The following SLC7A1 variants were observed in gnomAD, a reference collection of about 807,000 sequenced individuals.
The protein encoded by SLC7A1 is solute carrier family 7 member 1.
Under a neutral mutation model 53.9 loss-of-function variants are expected in SLC7A1, and 10 were observed. That is an observed-to-expected ratio of 0.19 (90% CI 0.11 to 0.31). SLC7A1 has a LOEUF of 0.31. SLC7A1 is among the 10% of genes least tolerant of loss of function. The pLI is 1.00. For missense variants in SLC7A1, 525 were observed against 827.2 expected, an observed-to-expected ratio of 0.63 and a Z score of 4.48; for synonymous variants, 342 against 338.7, an observed-to-expected ratio of 1.01 and a Z score of -0.11.
chr13:29,537,095 C>T (rs1371295586), intron 2 of SLC7A1, among the ~76,000 whole-genome samples: 1 of 152,172 alleles, frequency 6.6e-6, no homozygotes, highest in African/African-American at 2.4e-5. Flanking sequence ...GGCCAGCAGC[C>T]ACCCTCAAAA....
intron 1 of SLC7A1, among the ~76,000 whole-genome samples, chr13:29,556,198 T>C (rs769008604): frequency 2.0e-5 from 3 of 152,032 alleles, no homozygotes; most frequent in Non-Finnish European, 2.9e-5. Flanking sequence ...CCAGCTGCCA[T>C]AAGCTAAACA....
intron 2 of SLC7A1, among the ~76,000 whole-genome samples, chr13:29,540,753 C>T (rs1324116206): frequency 6.6e-6 from 1 of 152,218 alleles, no homozygotes; most frequent in Non-Finnish European, 1.5e-5. Context: ...CCCCAGTCGA[C>T]CCCTTTCTCC....
At chr13:29,571,654 C>T (rs1341526727) in intron 1 of SLC7A1, among the ~76,000 whole-genome samples, 1 of 152,206 alleles carries the variant, frequency 6.6e-6, no homozygotes, top group Non-Finnish European at 1.5e-5. Flanking sequence ...TTTGCTTTAC[C>T]TATTCCACCA....
chr13:29,567,825 C>T (rs1652781452), intron 1 of SLC7A1, among the ~76,000 whole-genome samples: 1 of 150,990 alleles, frequency 6.6e-6, no homozygotes, highest in South Asian at 2.1e-4. Flanking sequence ...CAAGCTCTTG[C>T]AAGTCTTGGC....
chr13:29,519,549 G>C lies in SLC7A1; in HGVS notation c.1190C>G (p.Ala397Gly). 6.3e-7 allele frequency: 1 copy of C among 1,595,792 alleles called. No individual in the cohort carries two copies. ...CAGGTCAAAGAGGAAGGCCATCACA[G>C]CTGGGAAGAGACAGACACCAGGATC... ...IATLASGAVA[A>G]VMAFLFDLKD... Residue 397 changes from alanine to glycine, a missense_variant and splice_region_variant, in exon 9 of 13, where the codon GCT becomes GGT. Physicochemically the swap from Ala to Gly is moderately conservative, Grantham distance 60. Coordinates refer to ENST00000380752, the MANE Select transcript of SLC7A1 (RefSeq NM_003045.5).
Position 29,514,414 on chromosome 13 carries a change from G to T in SLC7A1, c.*66C>A. Reference sequence around the variant, plus strand: ...CTGTTGCACTGGTGGGGAGGGTGGGGTGCCTCCCGGTCCTCTGGGGGCGTC... The same window carrying T: ...CTGTTGCACTGGTGGGGAGGGTGGGTTGCCTCCCGGTCCTCTGGGGGCGTC... On this transcript the variant is annotated 3_prime_UTR_variant, in exon 13 of 13. Transcript: ENST00000380752. 1 of 1,169,682 alleles carries T rather than the reference G, an allele frequency of 8.5e-7. No individual in the cohort carries two copies. The highest frequency in any genetic ancestry group is 1.3e-6 in the Non-Finnish European group (1 of 797,386). 72.5% of individuals were successfully genotyped at this position (1,169,682 alleles called of 1,614,324 possible).
intron 1 of SLC7A1, among the ~76,000 whole-genome samples, chr13:29,591,265 T>C (rs1170675272): frequency 6.6e-6 from 1 of 152,176 alleles, no homozygotes; most frequent in Non-Finnish European, 1.5e-5. Context: ...CTCAGTCCTA[T>C]AAAGTAGGCA....
At chr13:29,577,650 C>A (rs1871464251) in intron 1 of SLC7A1, among the ~76,000 whole-genome samples, 2 of 152,238 alleles carry the variant, frequency 1.3e-5, no homozygotes, top group Non-Finnish European at 2.9e-5. Context: ...TCTGACGGGC[C>A]TCTTGGCCAC....
chr13:29,592,500 C>A (rs1184872905), intron 1 of SLC7A1, among the ~76,000 whole-genome samples: 1 of 152,222 alleles, frequency 6.6e-6, no homozygotes, highest in Non-Finnish European at 1.5e-5. Flanking sequence ...AGCAAGCCAC[C>A]AAATCATTTT....
intron 1 of SLC7A1, among the ~76,000 whole-genome samples, chr13:29,578,968 C>T (rs973797883): frequency 9.9e-5 from 15 of 152,228 alleles, no homozygotes; most frequent in African/African-American, 3.4e-4. Context: ...GTATGTCCCT[C>T]AGGAGGGCAG....
intron 11 of SLC7A1, chr13:29,516,830 T>C (rs1023494336): frequency 1.5e-5 from 4 of 271,012 alleles, no homozygotes; most frequent in Non-Finnish European, 2.7e-5. Flanking sequence ...GGACATTTAT[T>C]TTCCAGAGAA....
At chr13:29,561,099 GAACT>G (rs1308468808) in intron 1 of SLC7A1, among the ~76,000 whole-genome samples, 2 of 152,094 alleles carry the variant, frequency 1.3e-5, no homozygotes, top group Non-Finnish European at 2.9e-5. Context: ...ATGCAGCAGT[GAACT>G]AACTAGACCA....
chr13:29,529,905 G>A (rs1045396714), intron 5 of SLC7A1, among the ~76,000 whole-genome samples: 15 of 152,158 alleles, frequency 9.9e-5, no homozygotes, highest in Admixed American at 6.5e-4. Context: ...AGGGCTGGGC[G>A]AGAGACCTGA....
intron 1 of SLC7A1, among the ~76,000 whole-genome samples, chr13:29,560,129 A>G (rs776922885): frequency 1.3e-5 from 2 of 151,264 alleles, no homozygotes. Context: ...TCTATTTTGA[A>G]TTTTTTTGTT....
intron 1 of SLC7A1, among the ~76,000 whole-genome samples, chr13:29,555,661 G>GAA (rs1197518722): frequency 6.8e-6 from 1 of 147,206 alleles, no homozygotes; most frequent in East Asian, 2.0e-4. Flanking sequence ...GTTAACTCTG[G>GAA]AAAAAAAAAG....
rs889706126 is a variant in SLC7A1 at position 29,525,341 on chromosome 13, G to A, written c.705-1088C>T. On this transcript the variant is annotated intron_variant, in intron 5 of 12. Coordinates refer to ENST00000380752, the MANE Select transcript of SLC7A1 (RefSeq NM_003045.5). The stretch of plus-strand genomic sequence containing the variant: ...TGGCTGGCCTGGAGCCCAAGAGGAC[G>A]CTCACCACCCACCTCTGTTGCCCCC... Among the ~76,000 whole-genome samples, 19 of 152,186 alleles carry A rather than the reference G, an allele frequency of 1.2e-4. 1 individual carries two copies. Among genetic ancestry groups the A allele is most frequent in the Admixed American group, 7.2e-4 (11 of 15,280 alleles).
rs1883339471 is a variant in SLC7A1, at chr13:29,509,746, T to A, written c.*4734A>T. On this transcript the variant is annotated 3_prime_UTR_variant, in exon 13 of 13. Coordinates refer to ENST00000380752, the MANE Select transcript of SLC7A1 (RefSeq NM_003045.5). ...AAACAAGCAAAAAAATATACAAATG[T>A]ACATAATAAAAAACACACAACTCTT... 1 of 152,350 alleles carries A rather than the reference T, an allele frequency of 6.6e-6. No individual in the cohort carries two copies. Among genetic ancestry groups the A allele is most frequent in the Non-Finnish European group, 1.5e-5 (1 of 68,004 alleles). 9.4% of individuals were successfully genotyped at this position (152,350 alleles called of 1,614,324 possible). A position where few individuals can be genotyped will look rare whatever the true frequency, so the allele number is the denominator to read the frequency against.
rs143191669 is a variant in SLC7A1, at chr13:29,511,596, C to T, written c.*2884G>A. The T allele has an allele frequency of 0.012, 1,845 of 152,368 alleles. 32 individuals are homozygous for T. Among genetic ancestry groups the T allele is most frequent in the African/African-American group, 0.042 (1,757 of 41,538 alleles). 9.4% of individuals were successfully genotyped at this position (152,368 alleles called of 1,614,324 possible). A position where few individuals can be genotyped will look rare whatever the true frequency, so the allele number is the denominator to read the frequency against. On this transcript the variant is annotated 3_prime_UTR_variant, in exon 13 of 13. Coordinates refer to ENST00000380752, the MANE Select transcript of SLC7A1 (RefSeq NM_003045.5). ...AGCTGCCCTCCTGTAAGCCGGCTCCCGAGCCAGCTGCCAACAAGGCCCCCA... is the reference window on the plus strand; with the variant it reads ...AGCTGCCCTCCTGTAAGCCGGCTCCTGAGCCAGCTGCCAACAAGGCCCCCA...
intron 1 of SLC7A1, among the ~76,000 whole-genome samples, chr13:29,589,508 C>T (rs767163392): frequency 1.3e-4 from 20 of 152,250 alleles, no homozygotes; most frequent in Non-Finnish European, 2.8e-4. Flanking sequence ...CACGTCCCAG[C>T]GCAGCTGCCC....
Sources: gnomAD v4.1 joint callset for allele counts (sites outside exome capture counted in the v4.1 genomes callset) on GRCh38, gnomAD v4.1.1 for gene constraint, MANE v1.5 for transcripts, NCBI Gene and HGNC (gene_info 2026-07-23, HGNC 2026-07-21) for gene names.